The following PGBD5 variants were observed in gnomAD, a reference collection of about 807,000 sequenced individuals.
PGBD5 encodes the protein piggyBac transposable element-derived protein 5.
In PGBD5, 14 loss-of-function variants were observed where a neutral mutation model predicts 47.9. That is an observed-to-expected ratio of 0.29 (90% CI 0.19 to 0.46). PGBD5 has a LOEUF of 0.46. Among genes scored for constraint, PGBD5 ranks in the 20% least tolerant of loss-of-function variants. The pLI, the probability that PGBD5 is intolerant of heterozygous loss-of-function variation, is 1.00. For missense variants in PGBD5, 635 were observed against 716.0 expected (o/e 0.89, Z 1.29); for synonymous variants, 316 against 306.3 (o/e 1.03, Z -0.33).
intron 1 of PGBD5, among the ~76,000 whole-genome samples, chr1:230,358,217 G>A (rs1397149183): frequency 6.6e-6 from 1 of 152,076 alleles, no homozygotes; most frequent in African/African-American, 2.4e-5. Flanking sequence ...CCCTGGGAAT[G>A]GGGGGTAGAA....
chr1:230,353,004 T>C (rs1667581505), intron 2 of PGBD5, among the ~76,000 whole-genome samples: 1 of 152,206 alleles, frequency 6.6e-6, no homozygotes, highest in Admixed American at 6.5e-5. Flanking sequence ...TATGATCAGT[T>C]GCAAATTTAT....
chr1:230,375,571 C>A (rs1474966666), intron 1 of PGBD5, among the ~76,000 whole-genome samples: 1 of 151,728 alleles, frequency 6.6e-6, no homozygotes, highest in Non-Finnish European at 1.5e-5. Flanking sequence ...TCTTCCTAAT[C>A]CCTTATATGC....
intron 1 of PGBD5, among the ~76,000 whole-genome samples, chr1:230,418,234 T>C (rs1571866835): frequency 6.6e-6 from 1 of 152,112 alleles, no homozygotes; most frequent in Non-Finnish European, 1.5e-5. Context: ...CAAGAAAACA[T>C]GTACAAGAAC....
intron 1 of PGBD5, among the ~76,000 whole-genome samples, chr1:230,369,452 G>C (rs1352239537): frequency 6.6e-6 from 1 of 152,340 alleles, no homozygotes; most frequent in Middle Eastern, 3.4e-3. Context: ...CCTGGCAGGT[G>C]CATCACCCTG....
intron 1 of PGBD5, among the ~76,000 whole-genome samples, chr1:230,366,882 C>G (rs1667843801): frequency 6.6e-6 from 1 of 152,168 alleles, no homozygotes; most frequent in South Asian, 2.1e-4. Flanking sequence ...GCCGTAGCCA[C>G]CACAGTTTAT....
intron 5 of PGBD5, among the ~76,000 whole-genome samples, chr1:230,326,358 C>A (rs988398108): frequency 6.6e-6 from 1 of 152,302 alleles, no homozygotes; most frequent in African/African-American, 2.4e-5. Flanking sequence ...GCCGAGGTTG[C>A]GGTTTGCTGA....
At chr1:230,377,370 TG>T (rs1668029395) in intron 1 of PGBD5, 1 of 1,052,278 alleles carries the variant, frequency 9.5e-7, no homozygotes, top group Non-Finnish European at 1.4e-6. Flanking sequence ...GGTGAAATGC[TG>T]ACATCAACAC....
At chr1:230,420,275 T>C (rs1421996269) in intron 1 of PGBD5, among the ~76,000 whole-genome samples, 1 of 152,214 alleles carries the variant, frequency 6.6e-6, no homozygotes, top group Non-Finnish European at 1.5e-5. Flanking sequence ...TGAAAACATC[T>C]TTTTAAAATT....
rs1314336748 is a variant in PGBD5, at chr1:230,314,876, T to A, written c.*8549A>T. 6.6e-6 allele frequency: 1 copy of A among 152,078 alleles called. No individual in the cohort carries two copies. The highest frequency in any genetic ancestry group is 1.5e-5 in the Non-Finnish European group (1 of 68,020). 9.4% of individuals were successfully genotyped at this position (152,078 alleles called of 1,614,324 possible). On this transcript the variant is annotated 3_prime_UTR_variant, in exon 7 of 7. Transcript: ENST00000391860. The stretch of plus-strand genomic sequence containing the variant: ...TGTAATGTAGCAGTGGAAACAAAAT[T>A]CTCACAATGAATAGCAGTCTTTCCA...
intron 1 of PGBD5, chr1:230,362,430 G>A (rs114745902): frequency 6.1e-6 from 8 of 1,303,160 alleles, no homozygotes; most frequent in Admixed American, 4.3e-5. Context: ...GTCAGACCTG[G>A]ACCGTGGCAA....
intron 3 of PGBD5, among the ~76,000 whole-genome samples, chr1:230,345,341 C>G (rs1571832540): frequency 1.3e-5 from 2 of 152,156 alleles, no homozygotes; most frequent in South Asian, 4.1e-4. Flanking sequence ...TTGAGGAACT[C>G]CAATCGCTCA....
At chr1:230,419,644 G>A (rs1465357473) in intron 1 of PGBD5, among the ~76,000 whole-genome samples, 1 of 152,198 alleles carries the variant, frequency 6.6e-6, no homozygotes, top group Non-Finnish European at 1.5e-5. Context: ...TCGCATACCG[G>A]TTTGCTGCCT....
chr1:230,357,072 T>C lies in PGBD5; in HGVS notation c.581A>G (p.Tyr194Cys), dbSNP rs747399118. 1 of 1,614,138 alleles carries C rather than the reference T, an allele frequency of 6.2e-7. No individual in the cohort carries two copies. Among genetic ancestry groups the C allele is most frequent in the Non-Finnish European group, 8.5e-7 (1 of 1,180,010 alleles). ...GACGAGGGCGAGGCTGCGGTTGCTG[T>C]AGAAGCCTCCGCTCCAGATGCTGAG... ...SVLSIWSGGF[Y>C]SNRSLALVMS... Residue 194 changes from tyrosine (Y) to cysteine (C), a missense_variant, in exon 2 of 7, where the codon TAC becomes TGC. Transcript: ENST00000391860. This position sits in a 1 kb window ranked among gnomAD's most constrained non-coding sequence, Gnocchi z 5.7.
intron 5 of PGBD5, 59 bp downstream of exon 5, chr1:230,332,785 C>A (rs890752035): frequency 1.7e-4 from 264 of 1,594,750 alleles, no homozygotes; most frequent in Non-Finnish European, 2.1e-4. Flanking sequence ...GCGGTGGGCT[C>A]GGCCAAGCTC....
intron 2 of PGBD5, among the ~76,000 whole-genome samples, chr1:230,352,220 T>C (rs994039088): frequency 6.6e-6 from 1 of 152,224 alleles, no homozygotes; most frequent in East Asian, 1.9e-4. Context: ...GGGGCTACAA[T>C]ATCAGAACTG....
intron 1 of PGBD5, among the ~76,000 whole-genome samples, chr1:230,421,438 G>A (rs1169963461): frequency 3.9e-5 from 6 of 152,214 alleles, no homozygotes; most frequent in African/African-American, 1.4e-4. Context: ...GTTAGATGGT[G>A]ATCACTTAAT....
chr1:230,351,457 T>C (rs1034970757), intron 2 of PGBD5, among the ~76,000 whole-genome samples: 36 of 152,210 alleles, frequency 2.4e-4, no homozygotes, highest in African/African-American at 8.4e-4. Flanking sequence ...TGGCTGGACA[T>C]GCCTGGTGAT....
intron 1 of PGBD5, among the ~76,000 whole-genome samples, chr1:230,382,872 G>T (rs1175786956): frequency 6.6e-6 from 1 of 152,152 alleles, no homozygotes; most frequent in East Asian, 1.9e-4. Context: ...GGATGGGGGA[G>T]AAGAGGAATG....
chr1:230,359,796 T>C (rs2102708066), intron 1 of PGBD5, among the ~76,000 whole-genome samples: 1 of 152,296 alleles, frequency 6.6e-6, no homozygotes, highest in African/African-American at 2.4e-5. Context: ...GGCCGAGGGC[T>C]TTCCAAGGAA....
Sources: allele counts gnomAD v4.1 joint callset (sites outside exome capture counted in the v4.1 genomes callset), GRCh38; gene constraint gnomAD v4.1.1; non-coding constraint Gnocchi (gnomAD v3.1); transcripts MANE v1.5; gene names NCBI Gene and HGNC (gene_info 2026-07-23, HGNC 2026-07-21).